WDR70: variants seen among roughly 807,000 people sequenced by gnomAD.
WDR70 encodes the protein WD repeat domain 70.
A neutral mutation model predicts 88.6 loss-of-function variants in WDR70; 53 were observed. The ratio of observed to expected loss-of-function variants is 0.60; its 90% confidence interval spans 0.48 to 0.75. The LOEUF is 0.75. Ranked by LOEUF, WDR70 falls within the 30% of genes least tolerant of loss-of-function variation. The pLI is 0.00. For missense variants in WDR70, 610 were observed against 823.2 expected, an observed-to-expected ratio of 0.74 and a Z score of 3.17; for synonymous variants, 280 against 270.0, an observed-to-expected ratio of 1.04 and a Z score of -0.36.
At chr5:37,528,630 A>G (rs1741382763) in intron 9 of WDR70, among the ~76,000 whole-genome samples, 1 of 20,444 alleles carries the variant, frequency 4.9e-5, no homozygotes, top group Non-Finnish European at 1.5e-4. Flanking sequence ...AAGTATAATA[A>G]AAAAAAACTA....
At chr5:37,671,816 A>G (rs1391071723) in intron 10 of WDR70, among the ~76,000 whole-genome samples, 2 of 152,140 alleles carry the variant, frequency 1.3e-5, no homozygotes, top group Non-Finnish European at 2.9e-5. Context: ...GAGGTGGCAT[A>G]TTTAGGGCTT....
intron 9 of WDR70, among the ~76,000 whole-genome samples, chr5:37,554,567 C>G (rs1742241217): frequency 6.6e-6 from 1 of 151,916 alleles, no homozygotes; most frequent in Non-Finnish European, 1.5e-5. Context: ...TTAAAGTGGT[C>G]AAAGCAAGGC....
chr5:37,533,096 G>C (rs1489940649), intron 9 of WDR70, among the ~76,000 whole-genome samples: 1 of 152,218 alleles, frequency 6.6e-6, no homozygotes, highest in Non-Finnish European at 1.5e-5. Flanking sequence ...TGTCCGCAAA[G>C]AGTCCTGTGA....
chr5:37,434,181 T>C (rs1306814267), intron 5 of WDR70, among the ~76,000 whole-genome samples: 2 of 152,006 alleles, frequency 1.3e-5, no homozygotes, highest in African/African-American at 4.8e-5. Context: ...GCAGGGGAAA[T>C]GTCAAATGCT....
intron 10 of WDR70, among the ~76,000 whole-genome samples, chr5:37,643,837 A>G (rs1745164932): frequency 6.6e-6 from 1 of 152,022 alleles, no homozygotes; most frequent in Non-Finnish European, 1.5e-5. Flanking sequence ...TTGATTTTGT[A>G]TCTTGCAAGT....
At chr5:37,505,388 G>A (rs1278012873) in intron 8 of WDR70, among the ~76,000 whole-genome samples, 1 of 152,118 alleles carries the variant, frequency 6.6e-6, no homozygotes, top group Non-Finnish European at 1.5e-5. Context: ...GAATTGCTTG[G>A]TCTGGTATTG....
intron 5 of WDR70, among the ~76,000 whole-genome samples, chr5:37,397,322 G>A (rs571348077): frequency 1.1e-4 from 16 of 152,006 alleles, no homozygotes; most frequent in Admixed American, 9.8e-4. Flanking sequence ...CTACGTATGC[G>A]GCTGGGTGTG....
chr5:37,653,154 T>C (rs1321039080), intron 10 of WDR70, among the ~76,000 whole-genome samples: 2 of 152,124 alleles, frequency 1.3e-5, no homozygotes, highest in African/African-American at 4.8e-5. Context: ...CATGAAAGGG[T>C]GTTGAATTTT....
At chr5:37,499,461 A>AT (rs922713250) in intron 8 of WDR70, among the ~76,000 whole-genome samples, 1 of 146,868 alleles carries the variant, frequency 6.8e-6, no homozygotes. Flanking sequence ...TCTATATTCA[A>AT]TTTTTTTCTG....
Position 37,512,228 on chromosome 5 carries a change from T to A in WDR70, c.841-4286T>A, listed in dbSNP as rs181229330. 7.3e-3 allele frequency among the ~76,000 whole-genome samples: 1,098 copies of A among 151,378 alleles called. 18 individuals carry two copies. Among genetic ancestry groups the A allele is most frequent in the African/African-American group, 0.025 (1,035 of 41,312 alleles). ...CTTCTCTTTTCTTCTTTAAAAAAAA[T>A]TTTTTTTTTCTTGAAACAGGGTCTC... On this transcript the variant is annotated intron_variant, in intron 8 of 17. Transcript: ENST00000265107.
chr5:37,697,618 G>C, intron 10 of WDR70, 37 bp from the exon 11 acceptor site: 1 of 1,540,164 alleles, frequency 6.5e-7, no homozygotes, highest in Non-Finnish European at 9.0e-7. Context: ...TCTGAATTGA[G>C]GTGAGATATT....
intron 10 of WDR70, among the ~76,000 whole-genome samples, chr5:37,633,492 CT>C (rs1744873052): frequency 1.3e-5 from 2 of 151,206 alleles, no homozygotes; most frequent in Admixed American, 6.6e-5. Context: ...TTGACATTCA[CT>C]AGATCTAGTA....
At chr5:37,391,253 TAA>T (rs1748810353) in intron 3 of WDR70, among the ~76,000 whole-genome samples, 1 of 152,238 alleles carries the variant, frequency 6.6e-6, no homozygotes, top group African/African-American at 2.4e-5. Flanking sequence ...TTTAGGTTGA[TAA>T]ATTTTTTTTC....
chr5:37,452,203 C>T (rs1196171105), intron 7 of WDR70, among the ~76,000 whole-genome samples: 1 of 151,726 alleles, frequency 6.6e-6, no homozygotes, highest in Non-Finnish European at 1.5e-5. Context: ...CAGCTGATAC[C>T]TGTTGAATAT....
At chr5:37,495,476 C>G (rs184366940) in intron 8 of WDR70, among the ~76,000 whole-genome samples, 334 of 151,858 alleles carry the variant, frequency 2.2e-3, no homozygotes, top group African/African-American at 7.0e-3. Flanking sequence ...TTCTCTCTCT[C>G]TGTGTGTGTG....
intron 5 of WDR70, among the ~76,000 whole-genome samples, chr5:37,408,728 G>C (rs1165137055): frequency 6.6e-6 from 1 of 151,600 alleles, no homozygotes; most frequent in African/African-American, 2.4e-5. Context: ...AATTTTTTTG[G>C]GTCTTTTTAG....
intron 10 of WDR70, among the ~76,000 whole-genome samples, chr5:37,677,511 G>C (rs921571461): frequency 1.3e-5 from 2 of 152,158 alleles, no homozygotes; most frequent in Admixed American, 6.6e-5. Context: ...TCATTCAGGA[G>C]CAGGTTGTTC....
At chr5:37,599,854 C>A (rs971229455) in intron 9 of WDR70, among the ~76,000 whole-genome samples, 10 of 151,180 alleles carry the variant, frequency 6.6e-5, no homozygotes, top group Non-Finnish European at 1.5e-4. Context: ...GATCGTCCTG[C>A]TGTACTCTAG....
intron 10 of WDR70, among the ~76,000 whole-genome samples, chr5:37,680,606 T>C (rs1198536961): frequency 6.6e-6 from 1 of 152,206 alleles, no homozygotes; most frequent in Admixed American, 6.5e-5. Flanking sequence ...CAGTTTCAGT[T>C]TTCTGCATAT....
Sources: gnomAD v4.1 joint callset for allele counts (sites outside exome capture counted in the v4.1 genomes callset) on GRCh38, gnomAD v4.1.1 for gene constraint, MANE v1.5 for transcripts, NCBI Gene and HGNC (gene_info 2026-07-23, HGNC 2026-07-21) for gene names.